The following SLC6A9 variants were observed in gnomAD, a reference collection of about 807,000 sequenced individuals.
SLC6A9 encodes the protein sodium- and chloride-dependent glycine transporter 1.
A neutral mutation model predicts 70.9 loss-of-function variants in SLC6A9; 31 were observed. That is an observed-to-expected ratio of 0.44 (90% CI 0.33 to 0.59). SLC6A9 has a LOEUF of 0.59. Among genes scored for constraint, SLC6A9 ranks in the 20% least tolerant of loss-of-function variants. The probability of loss-of-function intolerance (pLI) is 0.04; values close to 1 mark genes in which losing one functional copy is unlikely to be tolerated. For synonymous variants in SLC6A9, 310 were observed against 341.3 expected, an observed-to-expected ratio of 0.91 and a Z score of 1.01; for missense variants, 631 against 845.2, an observed-to-expected ratio of 0.75 and a Z score of 3.14.
chr1:43,999,421 G>C (rs1160521625), intron 12 of SLC6A9, among the ~76,000 whole-genome samples: 1 of 151,816 alleles, frequency 6.6e-6, no homozygotes, highest in African/African-American at 2.4e-5. Flanking sequence ...TCTTGTGCTT[G>C]TCTCCTTCCT....
chr1:44,024,217 T>A (rs199554833), intron 2 of SLC6A9, 31 bp downstream of exon 2: 5 of 1,611,664 alleles, frequency 3.1e-6, no homozygotes, highest in Non-Finnish European at 4.2e-6. Flanking sequence ...GGGACTCCCG[T>A]TCCTTCCCGC....
chr1:44,008,401 A>T lies in SLC6A9; in HGVS notation c.542T>A (p.Leu181Gln). ...GGTCCTCTGGAGGCTGTGGTTGAGC[A>T]GGTGGGAGAGGTTGCTGGGCAAGGC... is the stretch of plus-strand genomic sequence containing the variant. ...PAALPSNLSHLLNHSLQRTSP... is the reference protein window; with the variant it reads ...PAALPSNLSHQLNHSLQRTSP... Residue 181 changes from leucine to glutamine, a missense_variant, in exon 5 of 14, where the codon CTG becomes CAG. Transcript: ENST00000372310. 6.2e-7 allele frequency: 1 copy of T among 1,614,084 alleles called. No individual in the cohort carries two copies. Among genetic ancestry groups the T allele is most frequent in the Non-Finnish European group, 8.5e-7 (1 of 1,179,944 alleles).
intron 2 of SLC6A9, chr1:44,015,866 TC>T: frequency 1.0e-6 from 1 of 985,188 alleles, no homozygotes; most frequent in Non-Finnish European, 1.2e-6. Flanking sequence ...TGGGAAAATC[TC>T]CCCCGGGCCG....
At chr1:44,004,715 G>A (rs1557674957) in intron 5 of SLC6A9, among the ~76,000 whole-genome samples, 1 of 152,174 alleles carries the variant, frequency 6.6e-6, no homozygotes, top group Admixed American at 6.5e-5. Context: ...AGGCTAGCCT[G>A]GAAACCAAAT....
chr1:44,018,518 C>T lies in SLC6A9; in HGVS notation c.30+5730G>A, dbSNP rs961275123. On this transcript the variant is annotated intron_variant, in intron 2 of 13. Transcript: ENST00000372310. This position sits in a 1 kb window ranked among gnomAD's most constrained non-coding sequence, Gnocchi z 4.2. Reference sequence around the variant, plus strand: ...CTGAGGCGGGAGAATCGCTTGAACCCGGGAGGTGGAGGTTGCAGTGAGCCG... The same window carrying T: ...CTGAGGCGGGAGAATCGCTTGAACCTGGGAGGTGGAGGTTGCAGTGAGCCG... Among the ~76,000 whole-genome samples, 1 of 151,554 alleles carries T rather than the reference C, an allele frequency of 6.6e-6. No individual in the cohort carries two copies. The highest frequency in any genetic ancestry group is 1.5e-5 in the Non-Finnish European group (1 of 67,916).
intron 1 of SLC6A9, among the ~76,000 whole-genome samples, chr1:44,029,654 T>G (rs2087056146): frequency 2.0e-5 from 3 of 152,206 alleles, no homozygotes; most frequent in African/African-American, 7.2e-5. Context: ...TGCTTCCTTG[T>G]GCCCAAGTCT....
intron 1 of SLC6A9, among the ~76,000 whole-genome samples, chr1:44,029,439 A>T: frequency 6.6e-6 from 1 of 152,224 alleles, no homozygotes; most frequent in Non-Finnish European, 1.5e-5. Context: ...CAGCACTTGC[A>T]GAGGGCTCCT....
At chr1:44,011,665 G>A in intron 2 of SLC6A9, 1 of 1,614,060 alleles carries the variant, frequency 6.2e-7, no homozygotes, top group Non-Finnish European at 8.5e-7. Flanking sequence ...GAAGTAGAGG[G>A]AGTGGCTCCA....
Position 44,002,127 on chromosome 1 carries a change from C to G in SLC6A9, c.962+186G>C, listed in dbSNP as rs1160997139. ...CCCTGGGACATCACTGTCCCTATCT[C>G]TCTTCTCTCTCCTGCCTAAACCTCT... On this transcript the variant is annotated intron_variant, in intron 8 of 13. Transcript: ENST00000372310. The surrounding 1 kb of genome is among the most constrained non-coding windows in gnomAD (Gnocchi z 5.5). 1.3e-5 allele frequency among the ~76,000 whole-genome samples: 2 copies of G among 152,180 alleles called. No homozygotes were observed. The highest frequency in any genetic ancestry group is 2.9e-5 in the Non-Finnish European group (2 of 68,034).
chr1:44,020,343 A>G (rs1242407697), intron 2 of SLC6A9, among the ~76,000 whole-genome samples: 1 of 152,162 alleles, frequency 6.6e-6, no homozygotes, highest in Non-Finnish European at 1.5e-5. Context: ...TGTCAGCCCC[A>G]GGTGGGGAGC....
At chr1:44,008,276 T>G in intron 5 of SLC6A9, 77 bp downstream of exon 5, 4 of 1,455,570 alleles carry the variant, frequency 2.7e-6, no homozygotes, top group Non-Finnish European at 3.8e-6. Context: ...GCACCCTACT[T>G]TGTCTTCAGA....
Position 44,000,749 on chromosome 1 carries a change from G to C in SLC6A9, c.1536+18C>G. 6.5e-7 allele frequency: 1 copy of C among 1,533,658 alleles called. No individual in the cohort carries two copies. Among genetic ancestry groups the C allele is most frequent in the Non-Finnish European group, 8.9e-7 (1 of 1,118,666 alleles). On this transcript the variant is annotated intron_variant, in intron 12 of 13. Coordinates refer to ENST00000372310, the MANE Select transcript of SLC6A9 (RefSeq NM_001024845.3). ...CAAGGGGCAGCGGGGGAAGGGAGGG[G>C]CCGGCCAGGGAACTCACGAAGATGA...
rs1553164497 is a variant in SLC6A9 at position 44,022,722 on chromosome 1, C to CTTTCTTTT, written c.30+1525_30+1526insAAAAGAAA. ...TTTTTCTTTCTTTCTTTCTTTCTTT[C>CTTTCTTTT]TTTTTTTTTTTTTTGAGACAGAGCC... is the stretch of plus-strand genomic sequence containing the variant. On this transcript the variant is annotated intron_variant, in intron 2 of 13. Coordinates refer to ENST00000372310, the MANE Select transcript of SLC6A9 (RefSeq NM_001024845.3). Among the ~76,000 whole-genome samples, 251 of 118,938 alleles carry CTTTCTTTT rather than the reference C, an allele frequency of 2.1e-3. 1 individual carries two copies. The highest frequency in any genetic ancestry group is 0.011 in the East Asian group (42 of 3,668). The allele number at this position is 118,938 out of a possible 152,430, so 78.0% of individuals were successfully genotyped here.
At chr1:44,011,305 C>T (rs1258597818) in intron 2 of SLC6A9, among the ~76,000 whole-genome samples, 2 of 152,254 alleles carry the variant, frequency 1.3e-5, no homozygotes, top group East Asian at 1.9e-4. Flanking sequence ...TCCAGACAGC[C>T]CCCCCACCCG....
chr1:44,012,135 T>C (rs567092274), intron 2 of SLC6A9, among the ~76,000 whole-genome samples: 3 of 152,318 alleles, frequency 2.0e-5, no homozygotes, highest in African/African-American at 7.2e-5. Context: ...GCCAGTGATG[T>C]GACATTCACC....
intron 4 of SLC6A9, 99 bp from the exon 5 acceptor site, chr1:44,008,722 T>C (rs2086421349): frequency 1.0e-6 from 1 of 981,682 alleles, no homozygotes; most frequent in African/African-American, 1.6e-5. Flanking sequence ...TTTTTTTTTT[T>C]TGAGATGGAG....
chr1:44,015,426 G>C (rs1453540741), intron 2 of SLC6A9, among the ~76,000 whole-genome samples: 1 of 152,216 alleles, frequency 6.6e-6, no homozygotes, highest in African/African-American at 2.4e-5. Flanking sequence ...GGACCCAGCA[G>C]GCTTTGTGTT....
chr1:44,007,956 T>C (rs1157529612), intron 5 of SLC6A9, among the ~76,000 whole-genome samples: 1 of 150,868 alleles, frequency 6.6e-6, no homozygotes, highest in Non-Finnish European at 1.5e-5. Flanking sequence ...AGTGGCGCGA[T>C]CTCAGCTCAT....
chr1:44,001,334 CT>C, intron 9 of SLC6A9, 36 bp from the exon 10 acceptor site: 1 of 1,614,050 alleles, frequency 6.2e-7, no homozygotes, highest in South Asian at 1.1e-5. Flanking sequence ...AGACCTGCCC[CT>C]TGTTCCTGTC....
Sources: gnomAD v4.1 joint callset for allele counts (sites outside exome capture counted in the v4.1 genomes callset) on GRCh38, gnomAD v4.1.1 for gene constraint, Gnocchi (gnomAD v3.1) non-coding constraint, MANE v1.5 for transcripts, NCBI Gene and HGNC (gene_info 2026-07-23, HGNC 2026-07-21) for gene names.